The following UBASH3A variants were observed in gnomAD, a reference collection of about 807,000 sequenced individuals.
UBASH3A encodes the protein ubiquitin-associated and SH3 domain-containing protein A.
A neutral mutation model predicts 73.5 loss-of-function variants in UBASH3A; 63 were observed. That is an observed-to-expected ratio of 0.86 (90% CI 0.70 to 1.06). The LOEUF is 1.06. Ranked by LOEUF, UBASH3A falls within the 50% of genes least tolerant of loss-of-function variation. The pLI, the probability that UBASH3A is intolerant of heterozygous loss-of-function variation, is 0.00. For missense variants in UBASH3A, 860 were observed against 859.0 expected, an observed-to-expected ratio of 1.00 and a Z score of -0.02; for synonymous variants, 363 against 351.1, an observed-to-expected ratio of 1.03 and a Z score of -0.38.
intron 14 of UBASH3A, among the ~76,000 whole-genome samples, chr21:42,446,223 C>T (rs1202625868): frequency 2.0e-5 from 3 of 152,180 alleles, no homozygotes; most frequent in Non-Finnish European, 2.9e-5. Context: ...ATGCTGGTCA[C>T]GTGGCGTTCA....
In UBASH3A at chr21:42,435,558, C is replaced by CGAGTTATAGAGTTATAGAGT. The variant is rs1555870406; in HGVS notation, c.1393+605_1393+624dup. The CGAGTTATAGAGTTATAGAGT allele has an allele frequency of 7.7e-3, 1,169 of 152,426 alleles. 6 individuals are homozygous for CGAGTTATAGAGTTATAGAGT. Among genetic ancestry groups the CGAGTTATAGAGTTATAGAGT allele is most frequent in the Non-Finnish European group, 0.011 (736 of 68,268 alleles). 9.4% of individuals were successfully genotyped at this position (152,426 alleles called of 1,614,324 possible). On this transcript the variant is annotated intron_variant, in intron 10 of 14. Transcript: ENST00000319294. Reference sequence around the variant, plus strand: ...CCTGCTCCAGGCAGGGTGGGAAGTCCGAGTTATAGAGTTATAGAGTTAGTT... The same window carrying CGAGTTATAGAGTTATAGAGT: ...CCTGCTCCAGGCAGGGTGGGAAGTCCGAGTTATAGAGTTATAGAGTGAGTTATAGAGTTATAGAGTTAGTT...
At chr21:42,428,259 G>A (rs983870479) in intron 8 of UBASH3A, among the ~76,000 whole-genome samples, 11 of 152,146 alleles carry the variant, frequency 7.2e-5, no homozygotes, top group African/African-American at 1.9e-4. Flanking sequence ...CGTCCCTGTC[G>A]CCATTTGCAC....
intron 2 of UBASH3A, among the ~76,000 whole-genome samples, chr21:42,408,603 C>A (rs938909876): frequency 1.3e-5 from 2 of 152,152 alleles, no homozygotes; most frequent in Non-Finnish European, 2.9e-5. Context: ...TTGAGCAGAA[C>A]TTTTATCCTT....
intron 8 of UBASH3A, among the ~76,000 whole-genome samples, chr21:42,429,315 C>A (rs1410982448): frequency 6.6e-6 from 1 of 152,196 alleles, no homozygotes; most frequent in Non-Finnish European, 1.5e-5. Flanking sequence ...ATGGCAGCCC[C>A]AGGACACCAA....
intron 10 of UBASH3A, 29 bp downstream of exon 10, chr21:42,434,983 G>T: frequency 6.2e-7 from 1 of 1,611,926 alleles, no homozygotes; most frequent in Non-Finnish European, 8.5e-7. Flanking sequence ...TAGTAGGAAA[G>T]GTAACAATAA....
At chr21:42,439,219 A>G (rs1166448266) in intron 11 of UBASH3A, among the ~76,000 whole-genome samples, 2 of 152,152 alleles carry the variant, frequency 1.3e-5, no homozygotes, top group Non-Finnish European at 2.9e-5. Context: ...TAGTTTCACG[A>G]GGCACAGAAA....
chr21:42,418,963 G>T (rs1054330072), intron 7 of UBASH3A, among the ~76,000 whole-genome samples: 1 of 152,122 alleles, frequency 6.6e-6, no homozygotes, highest in Non-Finnish European at 1.5e-5. Context: ...AAAGTCCTAG[G>T]TCGTATTATT....
chr21:42,419,406 A>G (rs1166757185), intron 7 of UBASH3A, among the ~76,000 whole-genome samples: 3 of 152,208 alleles, frequency 2.0e-5, no homozygotes, highest in Non-Finnish European at 4.4e-5. Flanking sequence ...TTTGTTTGGA[A>G]ATAGCCTTAG....
In UBASH3A at chr21:42,418,403, C is replaced by T. The variant is rs1163897723; in HGVS notation, c.840C>T (p.Thr280=). Residue 280 remains threonine (T), a splice_region_variant and synonymous_variant, in exon 7 of 15, where the codon ACC becomes ACT. Transcript: ENST00000319294. ...SRDMRFVHYQ[T]LRALFQYKPQ... ...AAACCCCTTTGCCTCTTTTCTAGAC[C>T]CTGAGAGCCCTATTCCAGTACAAAC... The T allele has an allele frequency of 1.2e-6, 2 of 1,611,420 alleles. No individual in the cohort carries two copies. Among genetic ancestry groups the T allele is most frequent in the African/African-American group, 1.3e-5 (1 of 74,868 alleles).
intron 7 of UBASH3A, 77 bp downstream of exon 7, chr21:42,418,686 T>C: frequency 7.3e-7 from 1 of 1,371,132 alleles, no homozygotes; most frequent in Non-Finnish European, 1.0e-6. Flanking sequence ...GCCAACAGTG[T>C]GCTTCTAGAC....
intron 10 of UBASH3A, 155 bp downstream of exon 10, chr21:42,435,109 A>G (rs2053602742): frequency 3.2e-6 from 3 of 924,876 alleles, no homozygotes; most frequent in Non-Finnish European, 4.8e-6. Flanking sequence ...AGAGAGGTTA[A>G]GCAACTTGCC....
chr21:42,405,856 G>A (rs554985814), intron 1 of UBASH3A, among the ~76,000 whole-genome samples: 61 of 152,158 alleles, frequency 4.0e-4, no homozygotes, highest in Admixed American at 1.6e-3. Flanking sequence ...CTTTGGAAAG[G>A]GCTGTTTCCC....
At position 42,447,479 on chromosome 21, in the gene UBASH3A, A is replaced by G. The variant is rs2053863718; in HGVS notation, c.*285A>G. 2 of 312,726 alleles carry G rather than the reference A, an allele frequency of 6.4e-6. No individual in the cohort carries two copies. The highest frequency in any genetic ancestry group is 1.2e-4 in the East Asian group (2 of 16,450). 19.4% of individuals were successfully genotyped at this position (312,726 alleles called of 1,614,324 possible). ...ACACCGAGTGTCTGCAGCTGGGGACACAACTGCCCGGGACTCTAACTTCCA... is the reference window on the plus strand; with the variant it reads ...ACACCGAGTGTCTGCAGCTGGGGACGCAACTGCCCGGGACTCTAACTTCCA... On this transcript the variant is annotated 3_prime_UTR_variant, in exon 15 of 15. Coordinates refer to ENST00000319294, the MANE Select transcript of UBASH3A (RefSeq NM_018961.4).
intron 14 of UBASH3A, among the ~76,000 whole-genome samples, chr21:42,446,481 G>C (rs886733812): frequency 6.6e-6 from 1 of 152,170 alleles, no homozygotes; most frequent in Non-Finnish European, 1.5e-5. Flanking sequence ...AATTTCATCT[G>C]CCTGAGGAAT....
chr21:42,418,292 C>A, intron 6 of UBASH3A, 109 bp from the exon 7 acceptor site: 1 of 907,278 alleles, frequency 1.1e-6, no homozygotes, highest in Admixed American at 1.8e-5. Flanking sequence ...ACACAGAACA[C>A]ATTGGAGGGG....
At chr21:42,444,992 C>T (rs1333951909) in intron 14 of UBASH3A, among the ~76,000 whole-genome samples, 1 of 152,210 alleles carries the variant, frequency 6.6e-6, no homozygotes, top group Non-Finnish European at 1.5e-5. Context: ...ATTCTGGCCT[C>T]TTCTGGGGAC....
intron 10 of UBASH3A, among the ~76,000 whole-genome samples, chr21:42,436,660 A>G: frequency 6.6e-6 from 1 of 152,136 alleles, no homozygotes; most frequent in East Asian, 1.9e-4. Flanking sequence ...AAGGGAGGGG[A>G]TACAGTTCAA....
At chr21:42,404,793 G>A (rs1418255256) in intron 1 of UBASH3A, among the ~76,000 whole-genome samples, 1 of 152,162 alleles carries the variant, frequency 6.6e-6, no homozygotes, top group East Asian at 1.9e-4. Context: ...AAATGGGTAG[G>A]AAACTTCAGA....
chr21:42,440,761 C>T, intron 11 of UBASH3A, among the ~76,000 whole-genome samples: 1 of 152,204 alleles, frequency 6.6e-6, no homozygotes, highest in East Asian at 1.9e-4. Context: ...TGAAAACCTT[C>T]GTCTTTCTTT....
Sources: allele counts gnomAD v4.1 joint callset (sites outside exome capture counted in the v4.1 genomes callset), GRCh38; gene constraint gnomAD v4.1.1; transcripts MANE v1.5; gene names NCBI Gene and HGNC (gene_info 2026-07-23, HGNC 2026-07-21).